Variants in SPOCK1 observed in about 807,000 individuals in gnomAD.
SPOCK1 encodes the protein SPARC (osteonectin), cwcv and kazal like domains proteoglycan 1.
In SPOCK1, 23 loss-of-function variants were observed where a neutral mutation model predicts 55.3. That is an observed-to-expected ratio of 0.42 (90% CI 0.30 to 0.59). SPOCK1 has a LOEUF of 0.59. SPOCK1 is among the 20% of genes least tolerant of loss of function. SPOCK1 has a pLI of 0.22. For missense variants in SPOCK1, 499 were observed against 552.5 expected (o/e 0.90, Z 0.97); for synonymous variants, 226 against 221.0 (o/e 1.02, Z -0.20).
intron 5 of SPOCK1, among the ~76,000 whole-genome samples, chr5:137,072,407 A>G (rs1752638054): frequency 6.6e-6 from 1 of 152,242 alleles, no homozygotes; most frequent in Admixed American, 6.5e-5. Flanking sequence ...CTGCTAAAAC[A>G]GAGATGCCTG....
At chr5:137,492,813 G>C (rs1285437214) in intron 2 of SPOCK1, among the ~76,000 whole-genome samples, 1 of 152,188 alleles carries the variant, frequency 6.6e-6, no homozygotes, top group Non-Finnish European at 1.5e-5. Context: ...GTGGAGACAG[G>C]CAAGTAGCCT....
At position 137,272,736 on chromosome 5, in the gene SPOCK1, C is replaced by T. The variant is rs11742809; in HGVS notation, c.187-5681G>A. Among the ~76,000 whole-genome samples, 4 of 13,586 alleles carry T rather than the reference C, an allele frequency of 2.9e-4. 1 individual carries two copies. Among genetic ancestry groups the T allele is most frequent in the South Asian group, 2.1e-3 (2 of 932 alleles). 8.9% of individuals were successfully genotyped at this position (13,586 alleles called of 152,430 possible). ...GTGTGCACAAATCACCCACCCCCACCCCCCCACCCCCCAACACACACACGG... is the reference window on the plus strand; with the variant it reads ...GTGTGCACAAATCACCCACCCCCACTCCCCCACCCCCCAACACACACACGG... On this transcript the variant is annotated intron_variant, in intron 2 of 10. Coordinates refer to ENST00000394945, the MANE Select transcript of SPOCK1 (RefSeq NM_004598.4).
chr5:137,433,951 A>G (rs914096824), intron 2 of SPOCK1, among the ~76,000 whole-genome samples: 2 of 152,252 alleles, frequency 1.3e-5, no homozygotes, highest in South Asian at 4.1e-4. Flanking sequence ...TCTAATCACT[A>G]TAAGTGATGA....
At chr5:137,024,314 A>AGGTGG (rs71583270) in intron 6 of SPOCK1, among the ~76,000 whole-genome samples, 1 of 119,194 alleles carries the variant, frequency 8.4e-6, no homozygotes, top group African/African-American at 3.2e-5. Flanking sequence ...ACCAGTTTGA[A>AGGTGG]GGGGGGGGGG....
intron 2 of SPOCK1, among the ~76,000 whole-genome samples, chr5:137,443,663 A>G (rs1753063494): frequency 6.6e-6 from 1 of 152,200 alleles, no homozygotes; most frequent in African/African-American, 2.4e-5. Flanking sequence ...TTATTCAGCT[A>G]TCCTCACTAG....
In SPOCK1 at chr5:137,398,783, G is replaced by A. The variant is rs564946277; in HGVS notation, c.186+99590C>T. Among the ~76,000 whole-genome samples, 5 of 152,260 alleles carry A rather than the reference G, an allele frequency of 3.3e-5. No homozygotes were observed. The South Asian group carries it at 1.0e-3, about 32-fold the overall frequency. ...GATAAAATCTAATACTATAACACTT[G>A]TTTATTCCTGCAAATGAACAAGCTG... On this transcript the variant is annotated intron_variant, in intron 2 of 10. Transcript: ENST00000394945.
chr5:137,403,423 TAAAC>T (rs1344431055), intron 2 of SPOCK1, among the ~76,000 whole-genome samples: 2 of 152,098 alleles, frequency 1.3e-5, no homozygotes, highest in African/African-American at 2.4e-5. Context: ...GATAAAATGG[TAAAC>T]AAACAAACAA....
chr5:137,211,562 T>A (rs1017795362), intron 3 of SPOCK1, among the ~76,000 whole-genome samples: 1 of 151,934 alleles, frequency 6.6e-6, no homozygotes, highest in Non-Finnish European at 1.5e-5. Context: ...ATCTCTGGAG[T>A]GATGAGTGTC....
intron 5 of SPOCK1, among the ~76,000 whole-genome samples, chr5:137,072,079 G>A (rs1178962418): frequency 6.6e-6 from 1 of 152,194 alleles, no homozygotes; most frequent in Non-Finnish European, 1.5e-5. Context: ...TGCCAAGATG[G>A]CTCAGCTCTG....
Position 137,079,542 on chromosome 5 carries a change from C to T in SPOCK1, c.475-11713G>A, listed in dbSNP as rs377698781. Reference sequence around the variant, plus strand: ...TACCATCCCATCTGATTCCCCCCCCCCCCGACTTAGTGAAATGTCGTACCA... The same window carrying T: ...TACCATCCCATCTGATTCCCCCCCCTCCCGACTTAGTGAAATGTCGTACCA... On this transcript the variant is annotated intron_variant, in intron 5 of 10. Transcript: ENST00000394945. 8.7e-5 allele frequency among the ~76,000 whole-genome samples: 13 copies of T among 149,780 alleles called. 1 individual carries two copies. Among genetic ancestry groups the T allele is most frequent in the African/African-American group, 2.5e-4 (10 of 40,002 alleles).
intron 2 of SPOCK1, among the ~76,000 whole-genome samples, chr5:137,300,465 G>A (rs2127136219): frequency 6.6e-6 from 1 of 152,242 alleles, no homozygotes; most frequent in South Asian, 2.1e-4. Flanking sequence ...GCCACAAAGA[G>A]TCTCTAGGTT....
At chr5:137,122,271 A>ACT (rs1753702031) in intron 4 of SPOCK1, among the ~76,000 whole-genome samples, 1 of 151,608 alleles carries the variant, frequency 6.6e-6, no homozygotes, top group Admixed American at 6.6e-5. Context: ...ACACACACAC[A>ACT]CACACACACA....
At chr5:137,388,554 T>C (rs539992448) in intron 2 of SPOCK1, among the ~76,000 whole-genome samples, 152 of 152,292 alleles carry the variant, frequency 1.0e-3, no homozygotes, top group Middle Eastern at 3.4e-3. Flanking sequence ...CTTGAAGGAC[T>C]TCAACCTCTC....
At chr5:137,416,071 TA>T (rs553413160) in intron 2 of SPOCK1, among the ~76,000 whole-genome samples, 34 of 151,420 alleles carry the variant, frequency 2.2e-4, no homozygotes, top group South Asian at 1.9e-3. Flanking sequence ...AGAGGAAAAA[TA>T]GACATGTTAC....
At chr5:137,257,297 C>T (rs10050505) in intron 3 of SPOCK1, among the ~76,000 whole-genome samples, 2 of 152,154 alleles carry the variant, frequency 1.3e-5, no homozygotes, top group African/African-American at 4.8e-5. Flanking sequence ...GTGTCCCCCC[C>T]CAAAATTTAT....
At chr5:137,217,400 TTG>T (rs1399377314) in intron 3 of SPOCK1, among the ~76,000 whole-genome samples, 1 of 152,120 alleles carries the variant, frequency 6.6e-6, no homozygotes, top group Non-Finnish European at 1.5e-5. Context: ...AGGCCCCACT[TTG>T]CCTTGCCTCC....
At chr5:137,457,213 T>A (rs1315424554) in intron 2 of SPOCK1, among the ~76,000 whole-genome samples, 1 of 152,204 alleles carries the variant, frequency 6.6e-6, no homozygotes, top group Non-Finnish European at 1.5e-5. Context: ...GAGGTCCTTA[T>A]AAATTTTTCA....
chr5:137,498,519 A>ACGC lies in SPOCK1; in HGVS notation c.37_39dup (p.Ala13dup). 1 of 1,553,630 alleles carries ACGC rather than the reference A, an allele frequency of 6.4e-7. No individual in the cohort carries two copies. The highest frequency in any genetic ancestry group is 8.6e-7 in the Non-Finnish European group (1 of 1,156,530). On this transcript the variant is annotated inframe_insertion, in exon 2 of 11. Transcript: ENST00000394945. ...CGGCTCTCGACTTGGAGGAAGCACC[A>ACGC]CGCCGCGGCGGCCGCCGCCAACACC...
At chr5:137,225,322 T>C (rs1239269244) in intron 3 of SPOCK1, among the ~76,000 whole-genome samples, 1 of 152,094 alleles carries the variant, frequency 6.6e-6, no homozygotes, top group Non-Finnish European at 1.5e-5. Flanking sequence ...TAAATGCAAC[T>C]ACCTCATAGA....
Sources: gnomAD v4.1 joint callset for allele counts (sites outside exome capture counted in the v4.1 genomes callset) on GRCh38, gnomAD v4.1.1 for gene constraint, MANE v1.5 for transcripts, NCBI Gene and HGNC (gene_info 2026-07-23, HGNC 2026-07-21) for gene names.